Variants in MFHAS1 observed in about 807,000 individuals in gnomAD.
The protein encoded by MFHAS1 is multifunctional ROCO family signaling regulator 1.
A neutral mutation model predicts 70.4 loss-of-function variants in MFHAS1; 50 were observed. The ratio of observed to expected loss-of-function variants is 0.71; its 90% CI spans 0.57 to 0.90. The LOEUF is 0.90. Ranked by LOEUF, MFHAS1 falls within the 40% of genes least tolerant of loss-of-function variation. MFHAS1 has a pLI of 0.00. For synonymous variants in MFHAS1, 952 were observed against 620.0 expected, an observed-to-expected ratio of 1.54 and a Z score of -7.96; for missense variants, 1,795 against 1,347.6, an observed-to-expected ratio of 1.33 and a Z score of -5.20.
chr8:8,831,755 T>C (rs974557802), intron 1 of MFHAS1, among the ~76,000 whole-genome samples: 1 of 151,994 alleles, frequency 6.6e-6, no homozygotes, highest in Admixed American at 6.6e-5. Flanking sequence ...ATTACAGGCA[T>C]GCGCCACCAC....
chr8:8,860,252 C>T (rs1267718835), intron 1 of MFHAS1, among the ~76,000 whole-genome samples: 1 of 152,210 alleles, frequency 6.6e-6, no homozygotes, highest in East Asian at 1.9e-4. Flanking sequence ...GGTACACTCT[C>T]TTTGGTGGCA....
intron 1 of MFHAS1, among the ~76,000 whole-genome samples, chr8:8,828,541 A>G (rs1002481992): frequency 1.3e-5 from 2 of 152,164 alleles, no homozygotes; most frequent in Non-Finnish European, 2.9e-5. Flanking sequence ...TGCTCACACC[A>G]TTACCTAGAG....
In MFHAS1 at chr8:8,891,579, G is replaced by A. The variant is rs766378290; in HGVS notation, c.1480C>T (p.Pro494Ser). The change falls in exon 1 of 3, where the codon CCA becomes TCA. Residue 494 changes from proline (P) to serine (S), a missense_variant. Coordinates refer to ENST00000276282, the MANE Select transcript of MFHAS1 (RefSeq NM_004225.3). The surrounding 1 kb of genome is among the most constrained non-coding windows in gnomAD (Gnocchi z 5.4). ...YEVIQPFFLS[P>S]GALYVLVVNL... ...ACCACCAGCACGTATAGGGCCCCTG[G>A]GGACAGGAAGAAGGGCTGGATCACC... is the stretch of plus-strand genomic sequence containing the variant. The A allele has an allele frequency of 2.5e-6, 4 of 1,613,302 alleles. No homozygotes were observed. The Admixed American group carries it at 5.0e-5, about 20-fold the overall frequency.
chr8:8,831,154 G>A (rs988205612), intron 1 of MFHAS1, among the ~76,000 whole-genome samples: 1 of 149,920 alleles, frequency 6.7e-6, no homozygotes, highest in Non-Finnish European at 1.5e-5. Flanking sequence ...GGGCTCTCGG[G>A]GGTCTCTTCC....
chr8:8,881,417 AG>A (rs1384389252), intron 1 of MFHAS1, among the ~76,000 whole-genome samples: 2 of 152,202 alleles, frequency 1.3e-5, no homozygotes, highest in African/African-American at 4.8e-5. Context: ...ATGACCTTCC[AG>A]GAACTCACAC....
chr8:8,846,464 TCCTGCCTTACCTC>T (rs1808043496), intron 1 of MFHAS1, among the ~76,000 whole-genome samples: 1 of 152,026 alleles, frequency 6.6e-6, no homozygotes, highest in African/African-American at 2.4e-5. Context: ...TGCAAAAGTC[TCCTGCCTTACCTC>T]CCTGCCTTCA....
chr8:8,795,335 G>C (rs999581943), intron 2 of MFHAS1, among the ~76,000 whole-genome samples: 1 of 152,170 alleles, frequency 6.6e-6, no homozygotes, highest in African/African-American at 2.4e-5. Context: ...TAAAATTTCC[G>C]TTGTTTGATA....
intron 1 of MFHAS1, among the ~76,000 whole-genome samples, chr8:8,845,202 T>C (rs183503881): frequency 2.9e-4 from 44 of 152,352 alleles, no homozygotes; most frequent in Non-Finnish European, 5.9e-4. Context: ...CTTTTTCAGA[T>C]TTAATCAGCT....
intron 2 of MFHAS1, among the ~76,000 whole-genome samples, chr8:8,788,767 C>G (rs1164293673): frequency 6.6e-6 from 1 of 152,214 alleles, no homozygotes; most frequent in Non-Finnish European, 1.5e-5. Flanking sequence ...CCCAGAGGAG[C>G]TGACATATGA....
chr8:8,795,424 G>A (rs1197780852), intron 2 of MFHAS1, among the ~76,000 whole-genome samples: 2 of 152,182 alleles, frequency 1.3e-5, no homozygotes, highest in South Asian at 2.1e-4. Context: ...CAGTTATTCT[G>A]TAATCCTATT....
intron 1 of MFHAS1, among the ~76,000 whole-genome samples, chr8:8,836,943 T>C (rs528184987): frequency 2.6e-5 from 4 of 152,348 alleles, no homozygotes; most frequent in South Asian, 4.1e-4. Context: ...TAAAGACATA[T>C]TAAGTCTCAT....
In MFHAS1 at chr8:8,787,294, A is replaced by G. The variant is rs781707923; in HGVS notation, c.3126-1239T>C. 1.3e-5 allele frequency among the ~76,000 whole-genome samples: 2 copies of G among 152,246 alleles called. 1 individual carries two copies. Among genetic ancestry groups the G allele is most frequent in the East Asian group, 3.9e-4 (2 of 5,168 alleles). On this transcript the variant is annotated intron_variant, in intron 2 of 2. Coordinates refer to ENST00000276282, the MANE Select transcript of MFHAS1 (RefSeq NM_004225.3). Reference sequence around the variant, plus strand: ...ATGGGGTTTCACCATGTTAGCCAGGATGATCTTGATCTCCTGACCTCATGA... The same window carrying G: ...ATGGGGTTTCACCATGTTAGCCAGGGTGATCTTGATCTCCTGACCTCATGA...
chr8:8,835,437 C>T lies in MFHAS1; in HGVS notation c.2999-37946G>A, dbSNP rs78193542. ...AGTTACGAGATACCCATCATGCAGCCGCCATCTCAGTGACTACAAGGTATC... is the reference window on the plus strand; with the variant it reads ...AGTTACGAGATACCCATCATGCAGCTGCCATCTCAGTGACTACAAGGTATC... On this transcript the variant is annotated intron_variant, in intron 1 of 2. Transcript: ENST00000276282. Among the ~76,000 whole-genome samples the T allele has an allele frequency of 8.5e-3, 1,298 of 152,186 alleles. 24 individuals carry two copies. The highest frequency in any genetic ancestry group is 0.015 in the Non-Finnish European group (1,042 of 68,000).
At chr8:8,823,218 G>T (rs147590397) in intron 1 of MFHAS1, among the ~76,000 whole-genome samples, 1 of 152,174 alleles carries the variant, frequency 6.6e-6, no homozygotes, top group Non-Finnish European at 1.5e-5. Context: ...CTCATTAACT[G>T]TAAATGTTTA....
Position 8,787,345 on chromosome 8 carries a change from A to G in MFHAS1, c.3126-1290T>C, listed in dbSNP as rs544184149. Among the ~76,000 whole-genome samples, 212 of 152,212 alleles carry G rather than the reference A, an allele frequency of 1.4e-3. 2 individuals carry two copies. The highest frequency in any genetic ancestry group is 4.6e-3 in the South Asian group (22 of 4,822). ...TCCGCCCACCTTGGCCTCCCAAAGT[A>G]CTGGGATTACAGGTGTGAGCCACTG... On this transcript the variant is annotated intron_variant, in intron 2 of 2. Transcript: ENST00000276282.
At chr8:8,789,280 G>C (rs925945310) in intron 2 of MFHAS1, among the ~76,000 whole-genome samples, 1 of 152,334 alleles carries the variant, frequency 6.6e-6, no homozygotes, top group Non-Finnish European at 1.5e-5. Flanking sequence ...AAGGCAATGA[G>C]GCTTACGGAC....
At chr8:8,889,323 G>A (rs570279307) in intron 1 of MFHAS1, among the ~76,000 whole-genome samples, 1 of 152,194 alleles carries the variant, frequency 6.6e-6, no homozygotes. Flanking sequence ...GTCCCTGAGT[G>A]GGCGGAGGGG....
chr8:8,840,809 T>C (rs1320398050), intron 1 of MFHAS1, among the ~76,000 whole-genome samples: 1 of 152,194 alleles, frequency 6.6e-6, no homozygotes, highest in Non-Finnish European at 1.5e-5. Flanking sequence ...TGCCTTGCCT[T>C]GTGTGATAAA....
intron 2 of MFHAS1, among the ~76,000 whole-genome samples, chr8:8,792,323 C>T (rs1415187210): frequency 6.7e-6 from 1 of 150,202 alleles, no homozygotes; most frequent in African/African-American, 2.4e-5. Context: ...ATTTATTGGC[C>T]GGGCGCGTGG....
Sources: gnomAD v4.1 joint callset for allele counts (sites outside exome capture counted in the v4.1 genomes callset) on GRCh38, gnomAD v4.1.1 for gene constraint, Gnocchi (gnomAD v3.1) non-coding constraint, MANE v1.5 for transcripts, NCBI Gene and HGNC (gene_info 2026-07-23, HGNC 2026-07-21) for gene names.